The following CENPW variants were observed in gnomAD, a reference collection of about 807,000 sequenced individuals.
CENPW encodes cancer-up-regulated gene 2 protein.
In CENPW, 3 loss-of-function variants were observed where a neutral mutation model predicts 11.1. The observed-to-expected ratio is 0.27, with a 90% CI of 0.12 to 0.70. CENPW has a LOEUF of 0.70. Among genes scored for constraint, CENPW ranks in the 30% least tolerant of loss-of-function variants. The pLI is 0.77. For synonymous variants in CENPW, 38 were observed against 42.0 expected (o/e 0.91, Z 0.37); for missense variants, 100 against 105.6 (o/e 0.95, Z 0.23).
At chr6:126,345,875 A>G (rs1000947320) in intron 1 of CENPW, among the ~76,000 whole-genome samples, 53 of 152,298 alleles carry the variant, frequency 3.5e-4, no homozygotes, top group African/African-American at 1.2e-3. Context: ...TATGTTATAA[A>G]TTTAAATCCA....
the CENPW span, among the ~76,000 whole-genome samples, chr6:126,366,189 T>C: frequency 6.6e-6 from 1 of 152,170 alleles, no homozygotes; most frequent in Non-Finnish European, 1.5e-5. Context: ...TGATTTGTAT[T>C]ATAAGTTCAA....
the CENPW span, among the ~76,000 whole-genome samples, chr6:126,381,634 C>T: frequency 6.6e-5 from 10 of 152,274 alleles, 1 homozygote; most frequent in South Asian, 8.3e-4. Context: ...AGCACCCTGC[C>T]GCCAGCCAAC....
chr6:126,423,350 C>A, the CENPW span, among the ~76,000 whole-genome samples: 3 of 151,984 alleles, frequency 2.0e-5, no homozygotes, highest in African/African-American at 7.2e-5. Context: ...CAGAAAAATT[C>A]GACACTTGCT....
chr6:126,351,400 C>T (rs558414188), downstream of CENPW, among the ~76,000 whole-genome samples: 1 of 152,028 alleles, frequency 6.6e-6, no homozygotes, highest in South Asian at 2.1e-4. Context: ...TGAACTAAAC[C>T]AAAGTCAAAA....
chr6:126,370,240 T>A, the CENPW span, among the ~76,000 whole-genome samples: 6 of 152,218 alleles, frequency 3.9e-5, no homozygotes, highest in Non-Finnish European at 7.3e-5. Context: ...TTAGTTTTGC[T>A]TTGGCTGCGT....
At chr6:126,400,833 G>A in the CENPW span, among the ~76,000 whole-genome samples, 1 of 151,936 alleles carries the variant, frequency 6.6e-6, no homozygotes, top group Admixed American at 6.6e-5. Context: ...CCCACTGAAG[G>A]CACTCTTAAT....
chr6:126,448,715 G>A, the CENPW span, among the ~76,000 whole-genome samples: 102 of 150,984 alleles, frequency 6.8e-4, no homozygotes, highest in South Asian at 5.0e-3. Context: ...CACTGGTACT[G>A]TAATAGGTTT....
the CENPW span, among the ~76,000 whole-genome samples, chr6:126,481,010 A>G: frequency 2.6e-4 from 40 of 152,194 alleles, no homozygotes; most frequent in Middle Eastern, 0.01. Context: ...ATCAATGGGC[A>G]AATGGAATCA....
At chr6:126,469,590 G>A in the CENPW span, among the ~76,000 whole-genome samples, 1 of 152,200 alleles carries the variant, frequency 6.6e-6, no homozygotes, top group Non-Finnish European at 1.5e-5. Flanking sequence ...GGAACAGTTA[G>A]GAGGGGTCAG....
chr6:126,429,290 T>C, the CENPW span, among the ~76,000 whole-genome samples: 2 of 152,222 alleles, frequency 1.3e-5, no homozygotes, highest in Non-Finnish European at 2.9e-5. Context: ...AAATATCTTA[T>C]TTTAATTTGT....
At chr6:126,354,119 A>AT in the CENPW span, among the ~76,000 whole-genome samples, 2 of 152,022 alleles carry the variant, frequency 1.3e-5, no homozygotes, top group South Asian at 2.1e-4. Context: ...TTACTAATAA[A>AT]TTTTTTATCA....
the CENPW span, among the ~76,000 whole-genome samples, chr6:126,452,700 G>A: frequency 1.3e-5 from 2 of 150,892 alleles, no homozygotes; most frequent in South Asian, 4.2e-4. Context: ...AAAAAGTGCA[G>A]TACTGAAAAA....
the CENPW span, among the ~76,000 whole-genome samples, chr6:126,360,190 T>G: frequency 2.6e-5 from 4 of 152,284 alleles, no homozygotes; most frequent in East Asian, 7.7e-4. Flanking sequence ...GAAGTATAGT[T>G]TGGTATGATA....
the CENPW span, among the ~76,000 whole-genome samples, chr6:126,397,974 C>A: frequency 2.0e-5 from 3 of 152,044 alleles, no homozygotes; most frequent in East Asian, 1.9e-4. Flanking sequence ...TTTTTAAAGG[C>A]CTTTTTTATT....
At chr6:126,474,583 T>C in the CENPW span, among the ~76,000 whole-genome samples, 36 of 152,314 alleles carry the variant, frequency 2.4e-4, no homozygotes, top group Admixed American at 3.9e-4. Context: ...ATGACAATTA[T>C]CTCTCCTAGG....
the CENPW span, among the ~76,000 whole-genome samples, chr6:126,456,696 G>A: frequency 6.6e-6 from 1 of 151,350 alleles, no homozygotes; most frequent in Non-Finnish European, 1.5e-5. Flanking sequence ...AACAAAAATT[G>A]ACAAATAGGA....
chr6:126,468,402 A>G, the CENPW span, among the ~76,000 whole-genome samples: 2 of 140,684 alleles, frequency 1.4e-5, no homozygotes, highest in Non-Finnish European at 3.0e-5. Context: ...CCTGGGCAAC[A>G]AGAGCTAAAC....
intron 1 of CENPW, among the ~76,000 whole-genome samples, chr6:126,345,067 T>C (rs1447145366): frequency 6.6e-6 from 1 of 151,970 alleles, no homozygotes; most frequent in Non-Finnish European, 1.5e-5. Context: ...GTACTACATA[T>C]GATTCTTGAG....
chr6:126,354,070 T>G, the CENPW span, among the ~76,000 whole-genome samples: 1 of 152,094 alleles, frequency 6.6e-6, no homozygotes, highest in Admixed American at 6.6e-5. Context: ...ATCTGTTTTT[T>G]TTTCTTGGCT....
Sources: gnomAD v4.1 joint callset for allele counts (sites outside exome capture counted in the v4.1 genomes callset) on GRCh38, gnomAD v4.1.1 for gene constraint, MANE v1.5 for transcripts, NCBI Gene and HGNC (gene_info 2026-07-23, HGNC 2026-07-21) for gene names.